NDE1: variants seen among roughly 807,000 people sequenced by gnomAD.
NDE1 encodes the protein nuclear distribution protein nudE homolog 1.
NDE1 carries 28 observed loss-of-function variants against 43.4 expected under a neutral mutation model. The ratio of observed to expected loss-of-function variants is 0.65; its 90% confidence interval spans 0.48 to 0.89. The LOEUF (loss-of-function observed/expected upper bound fraction) is 0.89. NDE1 is among the 40% of genes least tolerant of loss of function. The pLI, the probability that NDE1 is intolerant of heterozygous loss-of-function variation, is 0.00. For missense variants in NDE1, 441 were observed against 434.1 expected (o/e 1.02, Z -0.14); for synonymous variants, 184 against 172.0 (o/e 1.07, Z -0.55).
rs747923542 is a variant in NDE1 at position 15,720,857 on chromosome 16, C to T, written c.948-3334C>T. 1.9e-5 allele frequency: 30 copies of T among 1,613,640 alleles called. No individual in the cohort carries two copies. The highest frequency in any genetic ancestry group is 1.7e-4 in the Middle Eastern group (1 of 5,840). ...CACGCACCTGTCTCTGCAGTTGCCTCCTCTTCTCCTCATTCTGCTCGTCCC... is the reference window on the plus strand; with the variant it reads ...CACGCACCTGTCTCTGCAGTTGCCTTCTCTTCTCCTCATTCTGCTCGTCCC... On this transcript the variant is annotated intron_variant, in intron 8 of 8. Transcript: ENST00000396354.
chr16:15,678,375 GT>G (rs371057413), intron 4 of NDE1, among the ~76,000 whole-genome samples: 4 of 151,046 alleles, frequency 2.6e-5, no homozygotes, highest in African/African-American at 9.7e-5. Context: ...ACAGTTTTTT[GT>G]TTTTTTTTGG....
At chr16:15,719,759 C>A (rs1286996283) in intron 8 of NDE1, 1 of 1,613,094 alleles carries the variant, frequency 6.2e-7, no homozygotes, top group East Asian at 2.2e-5. Context: ...CCTTACTCCC[C>A]CAAGTTCTGC....
chr16:15,652,955 G>A (rs975752812), intron 1 of NDE1, among the ~76,000 whole-genome samples: 3 of 152,158 alleles, frequency 2.0e-5, no homozygotes, highest in East Asian at 1.9e-4. Flanking sequence ...GAGCCACCGC[G>A]CCTGGCCTAA....
At chr16:15,719,910 C>G (rs1046236374) in intron 8 of NDE1, among the ~76,000 whole-genome samples, 1 of 152,176 alleles carries the variant, frequency 6.6e-6, no homozygotes. Flanking sequence ...CTCCACAGAC[C>G]TGCCTGAGAA....
intron 3 of NDE1, among the ~76,000 whole-genome samples, chr16:15,668,605 T>C (rs1260222673): frequency 3.3e-5 from 5 of 152,182 alleles, no homozygotes; most frequent in Non-Finnish European, 4.4e-5. Context: ...TAGAGTAATA[T>C]CATCAGGTCC....
chr16:15,724,571 C>T lies in NDE1; in HGVS notation c.*320C>T, dbSNP rs549021277. Reference sequence around the variant, plus strand: ...GCACCATCGCACCAACACTCCACCGCGATCTGCCTGCGGGGGATCTCAGCG... The same window carrying T: ...GCACCATCGCACCAACACTCCACCGTGATCTGCCTGCGGGGGATCTCAGCG... On this transcript the variant is annotated 3_prime_UTR_variant, in exon 9 of 9. Coordinates refer to ENST00000396354, the MANE Select transcript of NDE1 (RefSeq NM_017668.3). 381 of 1,610,774 alleles carry T rather than the reference C, an allele frequency of 2.4e-4. 1 individual carries two copies. The Middle Eastern group carries it at 2.6e-3, about 11-fold the overall frequency.
intron 8 of NDE1, among the ~76,000 whole-genome samples, chr16:15,716,683 G>A (rs991336051): frequency 6.6e-6 from 1 of 152,074 alleles, no homozygotes; most frequent in Non-Finnish European, 1.5e-5. Context: ...CACCACACTC[G>A]GCTAATTTTT....
intron 1 of NDE1, among the ~76,000 whole-genome samples, chr16:15,658,782 G>A (rs746062892): frequency 1.8e-4 from 27 of 152,028 alleles, no homozygotes; most frequent in Non-Finnish European, 2.5e-4. Flanking sequence ...TTAGCCTCCC[G>A]AGTAGTTGGG....
chr16:15,680,401 A>G (rs1307921261), intron 4 of NDE1, among the ~76,000 whole-genome samples: 4 of 152,166 alleles, frequency 2.6e-5, no homozygotes, highest in Non-Finnish European at 5.9e-5. Flanking sequence ...GTTGTTTTCC[A>G]GTTCCTGCCA....
At chr16:15,674,103 T>G (rs546515611) in intron 3 of NDE1, among the ~76,000 whole-genome samples, 1 of 152,166 alleles carries the variant, frequency 6.6e-6, no homozygotes, top group Non-Finnish European at 1.5e-5. Flanking sequence ...ATGGATGTTA[T>G]TGCTGCAGCT....
At chr16:15,721,118 C>T (rs1475624204) in intron 8 of NDE1, 8 of 1,554,014 alleles carry the variant, frequency 5.1e-6, no homozygotes, top group African/African-American at 4.1e-5. Flanking sequence ...AGAAACCCAC[C>T]GTGAGCGGCA....
intron 3 of NDE1, among the ~76,000 whole-genome samples, chr16:15,677,370 G>T (rs1244889395): frequency 1.3e-5 from 2 of 151,986 alleles, no homozygotes; most frequent in East Asian, 3.9e-4. Context: ...GATCACTTGA[G>T]GTGTCAGGAG....
rs193129520 is a variant in NDE1, at chr16:15,669,521, C to G, written c.237+2082C>G. 9.0e-4 allele frequency among the ~76,000 whole-genome samples: 137 copies of G among 152,224 alleles called. 3 individuals are homozygous for G. The highest frequency in any genetic ancestry group is 3.0e-3 in the African/African-American group (125 of 41,540). ...AGATTACAGGCACACACCGCCATGC[C>G]TGGCTAATTTTTGTATTTTTAGTAG... On this transcript the variant is annotated intron_variant, in intron 3 of 8. Coordinates refer to ENST00000396354, the MANE Select transcript of NDE1 (RefSeq NM_017668.3).
chr16:15,670,426 G>A (rs866849083), intron 3 of NDE1, among the ~76,000 whole-genome samples: 14 of 152,244 alleles, frequency 9.2e-5, no homozygotes, highest in South Asian at 2.1e-4. Flanking sequence ...AGGAGGCCGA[G>A]GTGGGCAGAT....
chr16:15,662,107 A>T (rs996543576), intron 1 of NDE1, among the ~76,000 whole-genome samples: 1 of 150,818 alleles, frequency 6.6e-6, no homozygotes. Flanking sequence ...CTAATTTTTT[A>T]AAAAGTTTTT....
intron 6 of NDE1, among the ~76,000 whole-genome samples, chr16:15,693,832 C>G (rs1466916230): frequency 6.6e-6 from 1 of 152,130 alleles, no homozygotes; most frequent in Admixed American, 6.6e-5. Flanking sequence ...CCCAGCTACT[C>G]AAGAGGCCAA....
In NDE1 at chr16:15,724,210, TG is replaced by T; in HGVS notation, c.969del (p.Trp323CysfsTer35). On this transcript the variant is annotated frameshift_variant, in exon 9 of 9. Transcript: ENST00000396354. LOFTEE classifies it high-confidence loss of function. The stretch of plus-strand genomic sequence containing the variant: ...TTCCAGGTTGGACACGAGTTGCCGC[TG>T]GTTGTCCAAATCAACAACCAGGTCG... ...GDKGLDTSCRWLSKSTTRSSS... is the reference protein window; with the variant it reads ...GDKGLDTSCRXLSKSTTRSSS... The T allele has an allele frequency of 6.2e-7, 1 of 1,614,148 alleles. No homozygotes were observed. The highest frequency in any genetic ancestry group is 8.5e-7 in the Non-Finnish European group (1 of 1,180,030).
chr16:15,675,463 G>C (rs1365871365), intron 3 of NDE1, among the ~76,000 whole-genome samples: 1 of 150,220 alleles, frequency 6.7e-6, no homozygotes, highest in Non-Finnish European at 1.5e-5. Context: ...AAGTGTCGTG[G>C]TCTCACTCTG....
intron 1 of NDE1, among the ~76,000 whole-genome samples, chr16:15,659,084 G>C (rs1330941683): frequency 6.6e-6 from 1 of 152,118 alleles, no homozygotes. Flanking sequence ...AAAGTAGGAG[G>C]GAGAAAGGAT....
Sources: allele counts gnomAD v4.1 joint callset (sites outside exome capture counted in the v4.1 genomes callset), GRCh38; gene constraint gnomAD v4.1.1; transcripts MANE v1.5; gene names NCBI Gene and HGNC (gene_info 2026-07-23, HGNC 2026-07-21).